ANTXR1: variants seen among roughly 807,000 people sequenced by gnomAD.
The protein encoded by ANTXR1 is anthrax toxin receptor 1.
In ANTXR1, 19 loss-of-function variants were observed where a neutral mutation model predicts 78.1. The ratio of observed to expected loss-of-function variants is 0.24; its 90% CI spans 0.17 to 0.36. ANTXR1 has a LOEUF of 0.36. Ranked by LOEUF, ANTXR1 falls within the 10% of genes least tolerant of loss-of-function variation. The pLI is 1.00. For missense variants in ANTXR1, 518 were observed against 718.6 expected (o/e 0.72, Z 3.19); for synonymous variants, 273 against 260.5 (o/e 1.05, Z -0.46).
rs1364881185 is a variant in ANTXR1 at position 69,182,046 on chromosome 2, A to G, written c.1185+165A>G. 2.1e-5 allele frequency: 15 copies of G among 704,868 alleles called. No homozygotes were observed. The East Asian group carries it at 3.9e-4, about 18-fold the overall frequency. 43.7% of individuals were successfully genotyped at this position (704,868 alleles called of 1,614,324 possible). A position where few individuals can be genotyped will look rare whatever the true frequency, so the allele number is the denominator to read the frequency against. ...GTCAGAAACCCAAAGCAAATTGCTG[A>G]AAACCTCCTTGAGGTCTGGTGGGGA... is the stretch of plus-strand genomic sequence containing the variant. On this transcript the variant is annotated intron_variant, in intron 15 of 17. Coordinates refer to ENST00000303714, the MANE Select transcript of ANTXR1 (RefSeq NM_032208.3).
intron 12 of ANTXR1, among the ~76,000 whole-genome samples, chr2:69,138,138 G>C (rs1025998467): frequency 2.0e-5 from 3 of 151,610 alleles, no homozygotes; most frequent in African/African-American, 7.3e-5. Flanking sequence ...AATTGGTAGA[G>C]GGGGGAAGGA....
intron 9 of ANTXR1, among the ~76,000 whole-genome samples, chr2:69,092,350 A>T (rs943050332): frequency 6.6e-6 from 1 of 152,230 alleles, no homozygotes; most frequent in East Asian, 1.9e-4. Context: ...TGCACTAAAA[A>T]ATCGGTGCCA....
intron 9 of ANTXR1, among the ~76,000 whole-genome samples, chr2:69,093,809 A>T (rs1481026005): frequency 6.6e-6 from 1 of 152,222 alleles, no homozygotes; most frequent in Non-Finnish European, 1.5e-5. Flanking sequence ...TACATATTTT[A>T]TAAGCAAACA....
At chr2:69,039,995 A>G (rs1669566365) in intron 1 of ANTXR1, 49 bp from the exon 2 acceptor site, 2 of 1,482,178 alleles carry the variant, frequency 1.3e-6, no homozygotes, top group Non-Finnish European at 1.9e-6. Flanking sequence ...ATACAAGGTA[A>G]AGACAAGTAA....
rs573332881 is a variant in ANTXR1, at chr2:69,013,231, G to A, written c.-269G>A. On this transcript the variant is annotated 5_prime_UTR_variant, in exon 1 of 18. Coordinates refer to ENST00000303714, the MANE Select transcript of ANTXR1 (RefSeq NM_032208.3). This position sits in a 1 kb window ranked among gnomAD's most constrained non-coding sequence, Gnocchi z 5.0. ...GGCGCGGCCTCGGGAGCTGCCCGGC[G>A]GCCCCGGACCGAGGCAGCCCTCCCC... 2.3e-5 allele frequency: 12 copies of A among 510,672 alleles called. No homozygotes were observed. The highest frequency in any genetic ancestry group is 3.1e-5 in the Non-Finnish European group (9 of 286,828). 31.6% of individuals were successfully genotyped at this position (510,672 alleles called of 1,614,324 possible). A position where few individuals can be genotyped will look rare whatever the true frequency, so the allele number is the denominator to read the frequency against.
intron 2 of ANTXR1, among the ~76,000 whole-genome samples, chr2:69,042,865 C>T (rs1453076561): frequency 6.6e-6 from 1 of 152,098 alleles, no homozygotes; most frequent in Non-Finnish European, 1.5e-5. Context: ...ACTTATCCTT[C>T]CTTGAAACTC....
At chr2:69,176,038 A>G (rs935236374) in intron 14 of ANTXR1, among the ~76,000 whole-genome samples, 40 of 152,048 alleles carry the variant, frequency 2.6e-4, no homozygotes, top group African/African-American at 8.9e-4. Flanking sequence ...ACTGTCAGGC[A>G]TCTTCTTGCC....
chr2:69,068,225 C>G (rs1254667834), intron 3 of ANTXR1, among the ~76,000 whole-genome samples: 2 of 152,190 alleles, frequency 1.3e-5, no homozygotes, highest in African/African-American at 4.8e-5. Flanking sequence ...GGGACCAAAA[C>G]AGCCATGGCC....
In ANTXR1 at chr2:69,115,820, A is replaced by G. The variant is rs114765828; in HGVS notation, c.803-7197A>G. Among the ~76,000 whole-genome samples, 1,521 of 152,316 alleles carry G rather than the reference A, an allele frequency of 1.0e-2. 23 individuals carry two copies. The highest frequency in any genetic ancestry group is 0.032 in the African/African-American group (1,349 of 41,564). On this transcript the variant is annotated intron_variant, in intron 10 of 17. Coordinates refer to ENST00000303714, the MANE Select transcript of ANTXR1 (RefSeq NM_032208.3). ...ACCCTGTAACAATACCAGGTCAGGG[A>G]AAAGGTGAGTTGTGAGCGAGGGTAT...
intron 10 of ANTXR1, among the ~76,000 whole-genome samples, chr2:69,120,630 T>A (rs1000517656): frequency 1.3e-5 from 2 of 152,024 alleles, no homozygotes; most frequent in Non-Finnish European, 2.9e-5. Context: ...ATTGTGCCAC[T>A]GCACTCCAGC....
At chr2:69,207,642 T>G (rs1674937558) in intron 17 of ANTXR1, among the ~76,000 whole-genome samples, 1 of 152,164 alleles carries the variant, frequency 6.6e-6, no homozygotes, top group African/African-American at 2.4e-5. Context: ...TTCCTTCATG[T>G]GTAGAAAAAC....
At chr2:69,041,146 G>T (rs1175590689) in intron 2 of ANTXR1, among the ~76,000 whole-genome samples, 1 of 152,172 alleles carries the variant, frequency 6.6e-6, no homozygotes, top group Non-Finnish European at 1.5e-5. Context: ...GGACAGAAGG[G>T]AGAAAAAGTA....
At chr2:69,243,242 C>T (rs1031905029) in intron 17 of ANTXR1, among the ~76,000 whole-genome samples, 8 of 152,174 alleles carry the variant, frequency 5.3e-5, no homozygotes, top group African/African-American at 1.4e-4. Context: ...CAAACAACTC[C>T]GTTTTTACCA....
intron 17 of ANTXR1, among the ~76,000 whole-genome samples, chr2:69,210,935 C>CAAAAAAAAA (rs1159790329): frequency 2.3e-5 from 1 of 43,538 alleles, no homozygotes; most frequent in Admixed American, 2.2e-4. Flanking sequence ...GACTCCATCA[C>CAAAAAAAAA]AAAAAAAAAA....
intron 9 of ANTXR1, among the ~76,000 whole-genome samples, chr2:69,092,651 G>A (rs955097294): frequency 3.3e-5 from 5 of 152,154 alleles, no homozygotes; most frequent in East Asian, 1.9e-4. Context: ...GAGGTAGATC[G>A]GTGAGAATCT....
chr2:69,203,959 C>T (rs138765959), intron 17 of ANTXR1, among the ~76,000 whole-genome samples: 45 of 152,258 alleles, frequency 3.0e-4, no homozygotes, highest in African/African-American at 9.1e-4. Context: ...TCAAATTCTC[C>T]GACCTCATTT....
At chr2:69,216,927 C>T (rs73937210) in intron 17 of ANTXR1, among the ~76,000 whole-genome samples, 3,396 of 152,296 alleles carry the variant, frequency 0.022, 143 homozygotes, top group African/African-American at 0.077. Context: ...GCCTGTTCAA[C>T]CTTCTCTGAG....
chr2:69,077,819 C>A (rs1670786248), intron 8 of ANTXR1, among the ~76,000 whole-genome samples: 1 of 152,196 alleles, frequency 6.6e-6, no homozygotes, highest in African/African-American at 2.4e-5. Context: ...CCCATTGTGA[C>A]TGAACACAAG....
At chr2:69,148,093 A>G (rs536782451) in intron 12 of ANTXR1, among the ~76,000 whole-genome samples, 1 of 152,326 alleles carries the variant, frequency 6.6e-6, no homozygotes, top group African/African-American at 2.4e-5. Flanking sequence ...CAGTGTCAAC[A>G]GCATTTGCTT....
Sources: allele counts gnomAD v4.1 joint callset (sites outside exome capture counted in the v4.1 genomes callset), GRCh38; gene constraint gnomAD v4.1.1; non-coding constraint Gnocchi (gnomAD v3.1); transcripts MANE v1.5; gene names NCBI Gene and HGNC (gene_info 2026-07-23, HGNC 2026-07-21).